Variants in IDE observed in about 807,000 individuals in gnomAD.
IDE encodes the protein insulin-degrading enzyme.
Under a neutral mutation model 133.2 loss-of-function variants are expected in IDE, and 58 were observed. The observed-to-expected ratio is 0.44, with a 90% CI of 0.35 to 0.54. IDE has a LOEUF of 0.54. IDE is among the 20% of genes least tolerant of loss of function. The pLI is 0.00. For missense variants in IDE, 981 were observed against 1,234.0 expected, an observed-to-expected ratio of 0.79 and a Z score of 3.07; for synonymous variants, 396 against 421.3, an observed-to-expected ratio of 0.94 and a Z score of 0.73.
At chr10:92,561,169 T>A (rs1451285577) in intron 1 of IDE, among the ~76,000 whole-genome samples, 1 of 151,534 alleles carries the variant, frequency 6.6e-6, no homozygotes, top group Non-Finnish European at 1.5e-5. Context: ...GGCAGGAGAA[T>A]CACTTCAACC....
At chr10:92,543,075 T>C (rs1241417401) in intron 1 of IDE, among the ~76,000 whole-genome samples, 2 of 152,268 alleles carry the variant, frequency 1.3e-5, no homozygotes, top group African/African-American at 2.4e-5. Context: ...AAGTCAGACC[T>C]GATTTAGAAA....
At chr10:92,564,574 C>T (rs1256137509) in intron 1 of IDE, among the ~76,000 whole-genome samples, 5 of 145,780 alleles carry the variant, frequency 3.4e-5, no homozygotes, top group Non-Finnish European at 7.5e-5. Flanking sequence ...ACTCAGGAGG[C>T]TGAGGCAGGA....
chr10:92,468,848 C>G (rs1193832342), intron 19 of IDE, 31 bp downstream of exon 19: 1 of 1,147,418 alleles, frequency 8.7e-7, no homozygotes, highest in Non-Finnish European at 1.3e-6. Context: ...TCAAAATAGT[C>G]CATTCCCAAA....
chr10:92,492,776 C>G (rs1348678480), intron 11 of IDE, among the ~76,000 whole-genome samples: 1 of 152,218 alleles, frequency 6.6e-6, no homozygotes, highest in Non-Finnish European at 1.5e-5. Flanking sequence ...ATCCCAATCT[C>G]TGTTCCAAAT....
chr10:92,501,791 A>G (rs1015104557), intron 11 of IDE, among the ~76,000 whole-genome samples: 4 of 152,116 alleles, frequency 2.6e-5, no homozygotes, highest in Admixed American at 1.3e-4. Flanking sequence ...CCTGGTCAAC[A>G]TGGTGAAACC....
chr10:92,492,216 C>T (rs1589416743), intron 11 of IDE, among the ~76,000 whole-genome samples: 1 of 150,986 alleles, frequency 6.6e-6, no homozygotes, highest in East Asian at 2.0e-4. Flanking sequence ...GCCGAGACTG[C>T]ACCACTACAC....
intron 1 of IDE, among the ~76,000 whole-genome samples, chr10:92,552,857 CAAAA>C (rs71028827): frequency 0.17 from 8,426 of 49,504 alleles, 574 homozygotes; most frequent in South Asian, 0.36. Context: ...GACTCAGTCT[CAAAA>C]AAAAAAAAAA....
chr10:92,490,643 A>G, intron 11 of IDE, 48 bp from the exon 12 acceptor site: 1 of 1,103,296 alleles, frequency 9.1e-7, no homozygotes, highest in Non-Finnish European at 1.4e-6. Flanking sequence ...CTCATACTGT[A>G]TATATGAATT....
rs1215263955 is a variant in IDE, at chr10:92,465,752, C to T, written c.2412G>A (p.Glu804=). The T allele has an allele frequency of 1.2e-6, 2 of 1,613,870 alleles. No individual in the cohort carries two copies. Among genetic ancestry groups the T allele is most frequent in the Admixed American group, 3.3e-5 (2 of 60,000 alleles). ...YYQTDMQSTS[E]NMFLELFCQI... ...GACAGAAGAGCTCCAGAAACATATT[C>T]TCTGAGGTGCTTTGCATGTCTGTTT... Residue 804 remains glutamate, a synonymous_variant, in exon 20 of 25, where the codon GAG becomes GAA. Transcript: ENST00000265986.
chr10:92,550,071 G>A (rs1842708170), intron 1 of IDE, among the ~76,000 whole-genome samples: 1 of 152,128 alleles, frequency 6.6e-6, no homozygotes. Context: ...GGGAGGCTGA[G>A]GCAGGAGAAT....
At chr10:92,532,119 G>A (rs950934178) in intron 3 of IDE, among the ~76,000 whole-genome samples, 6 of 152,072 alleles carry the variant, frequency 3.9e-5, no homozygotes, top group African/African-American at 1.2e-4. Context: ...AGAGGTAAAT[G>A]CAGAGGAGTT....
At chr10:92,485,129 T>TC in intron 13 of IDE, among the ~76,000 whole-genome samples, 1 of 139,418 alleles carries the variant, frequency 7.2e-6, no homozygotes, top group South Asian at 2.2e-4. Context: ...TTCTTTCTTT[T>TC]TTTTTTTTTT....
intron 17 of IDE, 145 bp downstream of exon 17, chr10:92,474,696 C>A: frequency 1.5e-6 from 1 of 657,228 alleles, no homozygotes; most frequent in East Asian, 2.9e-5. Flanking sequence ...ATCCTGCCCA[C>A]CACTGTTTTT....
chr10:92,546,336 G>C (rs1842532493), intron 1 of IDE, among the ~76,000 whole-genome samples: 1 of 152,156 alleles, frequency 6.6e-6, no homozygotes, highest in Non-Finnish European at 1.5e-5. Flanking sequence ...TTGTAAAAAT[G>C]CATTAAGTTG....
intron 1 of IDE, among the ~76,000 whole-genome samples, chr10:92,539,878 T>C (rs895684934): frequency 2.0e-5 from 3 of 151,954 alleles, no homozygotes; most frequent in South Asian, 2.1e-4. Context: ...TGCGGTAAAA[T>C]AGTAATAATT....
intron 1 of IDE, among the ~76,000 whole-genome samples, chr10:92,543,389 C>CT (rs1842397659): frequency 6.6e-6 from 1 of 152,188 alleles, no homozygotes; most frequent in Non-Finnish European, 1.5e-5. Flanking sequence ...ACCCCAAGTA[C>CT]TATTAATAAT....
At position 92,531,896 on chromosome 10, in the gene IDE, G is replaced by A; in HGVS notation, c.513C>T (p.Cys171=). Residue 171 remains cysteine (C), a synonymous_variant, in exon 4 of 25, where the codon TGC becomes TGT. Transcript: ENST00000265986. ...CTTTGCAACTTTCATCGAACAAGGG[G>A]CACAGAAAAAACTGTGCAAACCTAA... The part of the protein sequence containing the change: ...ALDRFAQFFL[C]PLFDESCKDR... 1.9e-6 allele frequency: 3 copies of A among 1,551,846 alleles called. No individual in the cohort carries two copies. The highest frequency in any genetic ancestry group is 2.5e-5 in the South Asian group (2 of 80,784).
intron 10 of IDE, among the ~76,000 whole-genome samples, chr10:92,505,099 G>T (rs1848226000): frequency 6.6e-6 from 1 of 152,080 alleles, no homozygotes; most frequent in Non-Finnish European, 1.5e-5. Flanking sequence ...ATTGTTTGAT[G>T]ATTCTGCCAA....
chr10:92,498,108 T>C (rs918349224), intron 11 of IDE, among the ~76,000 whole-genome samples: 1 of 152,230 alleles, frequency 6.6e-6, no homozygotes, highest in Admixed American at 6.5e-5. Flanking sequence ...TATCCCCACT[T>C]TGCAGATGAG....
Sources: gnomAD v4.1 joint callset for allele counts (sites outside exome capture counted in the v4.1 genomes callset) on GRCh38, gnomAD v4.1.1 for gene constraint, MANE v1.5 for transcripts, NCBI Gene and HGNC (gene_info 2026-07-23, HGNC 2026-07-21) for gene names.